Variants in SLC16A7 observed in about 807,000 individuals in gnomAD.
SLC16A7 encodes the protein monocarboxylate transporter 2.
Under a neutral mutation model 34.9 loss-of-function variants are expected in SLC16A7, and 33 were observed. That is an observed-to-expected ratio of 0.94 (90% CI 0.72 to 1.26). The LOEUF is 1.26. Among genes scored for constraint, SLC16A7 ranks in the 50% most tolerant of loss-of-function variants. The pLI, the probability that SLC16A7 is intolerant of heterozygous loss-of-function variation, is 0.00. For synonymous variants in SLC16A7, 201 were observed against 206.6 expected (o/e 0.97, Z 0.23); for missense variants, 573 against 578.1 (o/e 0.99, Z 0.09).
At chr12:59,619,710 C>T (rs1303687625) in intron 1 of SLC16A7, among the ~76,000 whole-genome samples, 1 of 151,918 alleles carries the variant, frequency 6.6e-6, no homozygotes, top group African/African-American at 2.4e-5. Context: ...ATACTGTTAA[C>T]TCTGAACTGG....
intron 3 of SLC16A7, among the ~76,000 whole-genome samples, chr12:59,765,066 A>G (rs1881446692): frequency 6.6e-6 from 1 of 152,084 alleles, no homozygotes; most frequent in Non-Finnish European, 1.5e-5. Context: ...TTTGATTTGC[A>G]TTTCTCTGAT....
chr12:59,608,619 A>G (rs1052949010), intron 1 of SLC16A7, among the ~76,000 whole-genome samples: 5 of 152,224 alleles, frequency 3.3e-5, no homozygotes, highest in Non-Finnish European at 5.9e-5. Context: ...GTCCTGGTAC[A>G]GGAGGATTTA....
At chr12:59,653,437 A>G (rs1868385958) in intron 1 of SLC16A7, among the ~76,000 whole-genome samples, 1 of 151,726 alleles carries the variant, frequency 6.6e-6, no homozygotes, top group Non-Finnish European at 1.5e-5. Context: ...CACCATACCT[A>G]TACATGAAAT....
At chr12:59,650,868 T>C (rs930891428) in intron 1 of SLC16A7, among the ~76,000 whole-genome samples, 7 of 152,216 alleles carry the variant, frequency 4.6e-5, no homozygotes, top group African/African-American at 1.7e-4. Context: ...CATATTTGTC[T>C]ATCTTAATTG....
At chr12:59,684,143 C>G (rs1026320809) in intron 2 of SLC16A7, among the ~76,000 whole-genome samples, 2 of 152,078 alleles carry the variant, frequency 1.3e-5, no homozygotes, top group African/African-American at 2.4e-5. Flanking sequence ...AGTGGTGGCT[C>G]AAGATAAAGG....
intron 3 of SLC16A7, among the ~76,000 whole-genome samples, chr12:59,756,267 A>C (rs1327606114): frequency 6.6e-6 from 1 of 152,244 alleles, no homozygotes; most frequent in Admixed American, 6.5e-5. Flanking sequence ...AGATCTAATT[A>C]AACTAAAGAG....
At chr12:59,603,731 T>C (rs966149035) in intron 1 of SLC16A7, among the ~76,000 whole-genome samples, 1 of 152,252 alleles carries the variant, frequency 6.6e-6, no homozygotes, top group African/African-American at 2.4e-5. Context: ...AATAATAATG[T>C]ATTCATATTT....
intron 2 of SLC16A7, among the ~76,000 whole-genome samples, chr12:59,683,402 T>C (rs1162694374): frequency 6.6e-6 from 1 of 152,060 alleles, no homozygotes; most frequent in African/African-American, 2.4e-5. Flanking sequence ...GTTGGGAAAC[T>C]GAAAGTGAGA....
chr12:59,688,446 T>C (rs980691788), intron 2 of SLC16A7, among the ~76,000 whole-genome samples: 6 of 152,070 alleles, frequency 3.9e-5, no homozygotes, highest in Non-Finnish European at 7.4e-5. Flanking sequence ...GAACAAGATA[T>C]TTGACATCTT....
intron 2 of SLC16A7, among the ~76,000 whole-genome samples, chr12:59,671,253 CTTTA>C (rs1234050045): frequency 2.0e-5 from 3 of 152,236 alleles, no homozygotes; most frequent in African/African-American, 7.2e-5. Flanking sequence ...AAACCACATG[CTTTA>C]TTTGTTTAAT....
Position 59,779,957 on chromosome 12 carries a change from T to C in SLC16A7, c.*278T>C. 1 of 277,504 alleles carries C rather than the reference T, an allele frequency of 3.6e-6. No individual in the cohort carries two copies. The highest frequency in any genetic ancestry group is 6.8e-6 in the Non-Finnish European group (1 of 146,448). 17.2% of individuals were successfully genotyped at this position (277,504 alleles called of 1,614,324 possible). ...GGTGGTTAAAATACTAATTTTAAAG[T>C]CTTCCAGTGACTTTCGGTCTTGGTT... On this transcript the variant is annotated 3_prime_UTR_variant, in exon 6 of 6. Transcript: ENST00000547379.
intron 3 of SLC16A7, among the ~76,000 whole-genome samples, chr12:59,706,164 C>T (rs1873542863): frequency 6.6e-6 from 1 of 152,154 alleles, no homozygotes; most frequent in African/African-American, 2.4e-5. Context: ...TCATAACTTT[C>T]TCTTTACATC....
At chr12:59,645,145 A>G (rs1164118294) in intron 1 of SLC16A7, among the ~76,000 whole-genome samples, 5 of 152,224 alleles carry the variant, frequency 3.3e-5, no homozygotes, top group Admixed American at 2.0e-4. Flanking sequence ...GAGCTTGCTC[A>G]ACAGAAAGGT....
At chr12:59,726,004 T>G (rs1416444882) in intron 3 of SLC16A7, among the ~76,000 whole-genome samples, 2 of 152,198 alleles carry the variant, frequency 1.3e-5, no homozygotes, top group Admixed American at 6.5e-5. Context: ...GAACTTTAAG[T>G]GGACTAAGCC....
intron 2 of SLC16A7, among the ~76,000 whole-genome samples, chr12:59,697,273 A>G (rs1458126586): frequency 2.0e-5 from 3 of 152,020 alleles, no homozygotes; most frequent in Admixed American, 2.0e-4. Context: ...GCTGATGTGC[A>G]GGTCACTTAT....
chr12:59,719,905 A>G (rs1682663437), intron 3 of SLC16A7: 3 of 522,290 alleles, frequency 5.7e-6, no homozygotes, highest in Non-Finnish European at 1.0e-5. Context: ...TCCACTGGAA[A>G]GTTGGCATTT....
Position 59,775,540 on chromosome 12 carries a change from A to T in SLC16A7, c.1180+65A>T, listed in dbSNP as rs187936220. Reference sequence around the variant, plus strand: ...ATTAATATCCATTAACGGAGACTTTATATACAGATGTTTAAATGTGTTTTA... The same window carrying T: ...ATTAATATCCATTAACGGAGACTTTTTATACAGATGTTTAAATGTGTTTTA... On this transcript the variant is annotated intron_variant, in intron 5 of 5. Coordinates refer to ENST00000547379, the MANE Select transcript of SLC16A7 (RefSeq NM_001270623.2). 6.3e-4 allele frequency: 721 copies of T among 1,145,430 alleles called. 6 individuals are homozygous for T. In the African/African-American group the frequency reaches 9.9e-3, roughly 16 times the overall value. 71.0% of individuals were successfully genotyped at this position (1,145,430 alleles called of 1,614,324 possible). A position where few individuals can be genotyped will look rare whatever the true frequency, so the allele number is the denominator to read the frequency against.
At chr12:59,685,898 TACCA>T (rs1424735015) in intron 2 of SLC16A7, among the ~76,000 whole-genome samples, 11 of 152,032 alleles carry the variant, frequency 7.2e-5, no homozygotes. Flanking sequence ...TCTAAACATA[TACCA>T]GATTCTCTGA....
rs559238257 is a variant in SLC16A7 at position 59,726,769 on chromosome 12, G to A, written c.217+21751G>A. On this transcript the variant is annotated intron_variant, in intron 3 of 5. Transcript: ENST00000547379. ...TTTCCTTACCTTCCTGTCCTGAGACGTTGCAACCTCAACTAAGCCCCTCCA... is the reference window on the plus strand; with the variant it reads ...TTTCCTTACCTTCCTGTCCTGAGACATTGCAACCTCAACTAAGCCCCTCCA... 9.2e-5 allele frequency among the ~76,000 whole-genome samples: 14 copies of A among 152,104 alleles called. No individual in the cohort carries two copies. In the South Asian group the frequency reaches 2.7e-3, roughly 29 times the overall value.
Sources: gnomAD v4.1 joint callset for allele counts (sites outside exome capture counted in the v4.1 genomes callset) on GRCh38, gnomAD v4.1.1 for gene constraint, MANE v1.5 for transcripts, NCBI Gene and HGNC (gene_info 2026-07-23, HGNC 2026-07-21) for gene names.